Variants in NAA38 observed in about 807,000 individuals in gnomAD.
NAA38 encodes LSM domain containing 1.
In NAA38, 15 loss-of-function variants were observed where a neutral mutation model predicts 12.6. The observed-to-expected ratio is 1.19, with a 90% CI of 0.79 to 1.83. The LOEUF is 1.83. NAA38 is among the 40% of genes most tolerant of loss of function. NAA38 has a pLI of 0.00. For missense variants in NAA38, 183 were observed against 171.7 expected (o/e 1.07, Z -0.37); for synonymous variants, 88 against 69.9 (o/e 1.26, Z -1.29).
At chr17:7,857,639 T>C (rs563455354), upstream of NAA38, 280 of 1,348,038 alleles carry the variant, frequency 2.1e-4, 1 homozygote, top group African/African-American at 3.9e-3. Context: ...TCTCTAGCGC[T>C]GTGGCTCACT....
Position 7,885,021 on chromosome 17 carries a change from T to G in NAA38, c.-167+144A>C, listed in dbSNP as rs1308450695. On this transcript the variant is annotated intron_variant, in intron 1 of 4. Transcript: ENST00000576861. ...CGCCACAGCCCCCCCGGCTGCCACC[T>G]CTTCCCGCCGCCGCCGCCGCCGCCG... is the stretch of plus-strand genomic sequence containing the variant. 3 of 1,203,110 alleles carry G rather than the reference T, an allele frequency of 2.5e-6. No individual in the cohort carries two copies. In the South Asian group the frequency reaches 1.2e-4, roughly 48 times the overall value. 74.5% of individuals were successfully genotyped at this position (1,203,110 alleles called of 1,614,324 possible). A position where few individuals can be genotyped will look rare whatever the true frequency, so the allele number is the denominator to read the frequency against.
At chr17:7,875,919 C>T (rs1405068005) in intron 2 of NAA38, among the ~76,000 whole-genome samples, 1 of 152,240 alleles carries the variant, frequency 6.6e-6, no homozygotes, top group African/African-American at 2.4e-5. Flanking sequence ...TCTAACTTCT[C>T]TTACTTAGCA....
upstream of NAA38, chr17:7,857,853 G>A (rs2078842630): frequency 8.0e-6 from 11 of 1,374,546 alleles, no homozygotes; most frequent in Non-Finnish European, 1.0e-5. Context: ...TTCGTTCTCT[G>A]CCCCACCCCG....
Position 7,857,497 on chromosome 17 carries a change from C to T in NAA38, c.-34G>A, listed in dbSNP as rs1437452239. 7 of 1,493,374 alleles carry T rather than the reference C, an allele frequency of 4.7e-6. No homozygotes were observed. Among genetic ancestry groups the T allele is most frequent in the African/African-American group, 1.4e-5 (1 of 70,970 alleles). 92.5% of individuals were successfully genotyped at this position (1,493,374 alleles called of 1,614,324 possible). A position where few individuals can be genotyped will look rare whatever the true frequency, so the allele number is the denominator to read the frequency against. The stretch of plus-strand genomic sequence containing the variant: ...AGGCCTCCTCTGGGCCTTTCAACTT[C>T]CTAAGCACCTTTCAGGTTGGGTGGT... On this transcript the variant is annotated 5_prime_UTR_variant, in exon 1 of 3. Transcript: ENST00000575771.
chr17:7,866,744 A>G (rs1966990856), intron 2 of NAA38, among the ~76,000 whole-genome samples: 1 of 152,150 alleles, frequency 6.6e-6, no homozygotes, highest in Non-Finnish European at 1.5e-5. Flanking sequence ...CTGAAATGCC[A>G]TAATTATAAT....
Position 7,857,496 on chromosome 17 carries a change from T to G in NAA38, c.-33A>C, listed in dbSNP as rs766183355. On this transcript the variant is annotated 5_prime_UTR_variant, in exon 1 of 3. Transcript: ENST00000575771. ...GAGGCCTCCTCTGGGCCTTTCAACT[T>G]CCTAAGCACCTTTCAGGTTGGGTGG... 9 of 1,492,026 alleles carry G rather than the reference T, an allele frequency of 6.0e-6. No homozygotes were observed. The highest frequency in any genetic ancestry group is 2.4e-5 in the Admixed American group (1 of 40,844). The allele number at this position is 1,492,026 out of a possible 1,614,324, so 92.4% of individuals were successfully genotyped here. A position where few individuals can be genotyped will look rare whatever the true frequency, so the allele number is the denominator to read the frequency against.
intron 3 of NAA38, chr17:7,864,029 G>A (rs1011842268): frequency 2.0e-5 from 3 of 152,164 alleles, no homozygotes; most frequent in Non-Finnish European, 4.4e-5. Flanking sequence ...ATTTGGTCTT[G>A]ATACTATAAC....
intron 2 of NAA38, among the ~76,000 whole-genome samples, chr17:7,875,359 A>G (rs775019427): frequency 4.6e-5 from 7 of 152,026 alleles, no homozygotes; most frequent in Non-Finnish European, 8.8e-5. Flanking sequence ...TTTTAGAGAC[A>G]GAGTCTCACT....
rs902462498 is a variant in NAA38, at chr17:7,878,129, CAAATT to C, written c.-66+5101_-66+5105del. ...AGAAAGAAAAACATAATTACAGTAT[CAAATT>C]AAAGACTTATGAATATTATTTCTAG... On this transcript the variant is annotated intron_variant, in intron 2 of 4. Transcript: ENST00000576861. Among the ~76,000 whole-genome samples, 139 of 152,008 alleles carry C rather than the reference CAAATT, an allele frequency of 9.1e-4. 1 individual carries two copies. Among genetic ancestry groups the C allele is most frequent in the African/African-American group, 3.2e-3 (134 of 41,482 alleles).
intron 1 of NAA38, among the ~76,000 whole-genome samples, chr17:7,883,926 C>CT (rs1967383402): frequency 6.6e-6 from 1 of 151,974 alleles, no homozygotes; most frequent in Admixed American, 6.6e-5. Flanking sequence ...GGACTAGTAT[C>CT]TAACTAGTTA....
At chr17:7,857,712 TC>T, upstream of NAA38, 1 of 1,301,532 alleles carries the variant, frequency 7.7e-7, no homozygotes, top group Non-Finnish European at 9.7e-7. Context: ...TTCTTACACA[TC>T]CTTTAGAAAC....
At chr17:7,872,772 CATT>C (rs1044048179) in intron 2 of NAA38, among the ~76,000 whole-genome samples, 7 of 152,188 alleles carry the variant, frequency 4.6e-5, no homozygotes, top group Admixed American at 2.0e-4. Context: ...AATTATGCAT[CATT>C]ATTTATCAAT....
chr17:7,858,432 G>T, upstream of NAA38: 1 of 1,614,206 alleles, frequency 6.2e-7, no homozygotes, highest in Non-Finnish European at 8.5e-7. Flanking sequence ...CATCGTGGAA[G>T]TTGCAGGCCA....
chr17:7,880,234 A>G (rs1441612577), intron 2 of NAA38, among the ~76,000 whole-genome samples: 1 of 152,076 alleles, frequency 6.6e-6, no homozygotes, highest in Non-Finnish European at 1.5e-5. Flanking sequence ...CAATCAGAAA[A>G]AGAGGCTAGA....
At position 7,857,080 on chromosome 17, in the gene NAA38, A is replaced by C. The variant is rs2078826096; in HGVS notation, c.200T>G (p.Phe67Cys). 1.9e-6 allele frequency: 3 copies of C among 1,613,506 alleles called. No individual in the cohort carries two copies. The highest frequency in any genetic ancestry group is 2.5e-6 in the Non-Finnish European group (3 of 1,180,008). Residue 67 changes from phenylalanine (F) to cysteine (C), a missense_variant, in exon 2 of 3, where the codon TTC becomes TGC. Transcript: ENST00000575771. ...ATTGCAGTCACGGTCAGTGCAGAGGAAGCAGCCGACCAGTGTCCGTCCATC... is the reference window on the plus strand; with the variant it reads ...ATTGCAGTCACGGTCAGTGCAGAGGCAGCAGCCGACCAGTGTCCGTCCATC... ...MTDGRTLVGC[F>C]LCTDRDCNVI...
intron 1 of NAA38, chr17:7,885,061 GCCGCCGCCGCCC>G (rs1437330745): frequency 2.1e-6 from 2 of 954,146 alleles, no homozygotes; most frequent in African/African-American, 1.8e-5. Context: ...CGCTGCCCCC[GCCGCCGCCGCCC>G]CCGCCGCCAG....
At chr17:7,863,720 T>A (rs1187349598) in intron 3 of NAA38, 1 of 152,046 alleles carries the variant, frequency 6.6e-6, no homozygotes, top group Non-Finnish European at 1.5e-5. Context: ...CATCAGATTC[T>A]CCAAATAGCC....
chr17:7,873,630 G>A (rs762626578), intron 2 of NAA38, among the ~76,000 whole-genome samples: 1 of 152,078 alleles, frequency 6.6e-6, no homozygotes, highest in Non-Finnish European at 1.5e-5. Context: ...GACTGAGTTA[G>A]AGGATCGCTG....
At chr17:7,857,993 G>A, upstream of NAA38, 1 of 1,501,134 alleles carries the variant, frequency 6.7e-7, no homozygotes. Context: ...GACGGTGGCC[G>A]GAAAAGGACA....
Sources: gnomAD v4.1 joint callset for allele counts (sites outside exome capture counted in the v4.1 genomes callset) on GRCh38, gnomAD v4.1.1 for gene constraint, MANE v1.5 for transcripts, NCBI Gene and HGNC (gene_info 2026-07-23, HGNC 2026-07-21) for gene names.